The following KIAA0930 variants were observed in gnomAD, a reference collection of about 807,000 sequenced individuals.
The protein encoded by KIAA0930 is KIAA0930, also known as uncharacterized protein KIAA0930.
Under a neutral mutation model 43.9 loss-of-function variants are expected in KIAA0930, and 24 were observed. The ratio of observed to expected loss-of-function variants is 0.55; its 90% CI spans 0.40 to 0.77. The LOEUF is 0.77. Among genes scored for constraint, KIAA0930 ranks in the 30% least tolerant of loss-of-function variants. KIAA0930 has a pLI of 0.00. For synonymous variants in KIAA0930, 259 were observed against 216.4 expected, an observed-to-expected ratio of 1.20 and a Z score of -1.73; for missense variants, 461 against 574.2, an observed-to-expected ratio of 0.80 and a Z score of 2.02.
chr22:45,212,485 G>A (rs1430819906), intron 1 of KIAA0930: 6 of 1,435,324 alleles, frequency 4.2e-6, no homozygotes, highest in Admixed American at 2.7e-5. Flanking sequence ...GGCTGGGGGG[G>A]AGCCTTTGGA....
At chr22:45,197,527 G>A (rs1171287730) in intron 9 of KIAA0930, among the ~76,000 whole-genome samples, 2 of 152,198 alleles carry the variant, frequency 1.3e-5, no homozygotes, top group African/African-American at 2.4e-5. Context: ...TCGCCCGTGA[G>A]TAACACACAC....
At chr22:45,224,141 C>T (rs963986220) in intron 1 of KIAA0930, among the ~76,000 whole-genome samples, 2 of 152,112 alleles carry the variant, frequency 1.3e-5, no homozygotes, top group Admixed American at 1.3e-4. Context: ...CTTGGAAAAA[C>T]GCTCATGGTA....
chr22:45,240,558 C>T, intron 1 of KIAA0930, 82 bp downstream of exon 1: 2 of 964,476 alleles, frequency 2.1e-6, no homozygotes, highest in Non-Finnish European at 3.1e-6. Context: ...ATGCGCGGGG[C>T]GCACAGAAAC....
intron 2 of KIAA0930, 65 bp from the exon 3 acceptor site, chr22:45,205,977 T>A (rs548562589): frequency 6.3e-7 from 1 of 1,589,888 alleles, no homozygotes; most frequent in East Asian, 2.2e-5. Context: ...CTTCCCTGAC[T>A]ACTATGCAGG....
intron 2 of KIAA0930, among the ~76,000 whole-genome samples, chr22:45,208,135 C>G (rs1439804805): frequency 6.6e-6 from 1 of 152,178 alleles, no homozygotes; most frequent in African/African-American, 2.4e-5. Context: ...GCCCGGTACC[C>G]ACTGACAGGA....
intron 1 of KIAA0930, chr22:45,236,065 G>A (rs2083886617): frequency 6.6e-6 from 1 of 152,354 alleles, no homozygotes; most frequent in Non-Finnish European, 1.5e-5. Flanking sequence ...CTTCCGGGTT[G>A]GCTATTTGCA....
Position 45,206,685 on chromosome 22 carries a change from G to A in KIAA0930, c.217-773C>T, listed in dbSNP as rs973138826. Among the ~76,000 whole-genome samples, 140 of 144,110 alleles carry A rather than the reference G, an allele frequency of 9.7e-4. 1 individual carries two copies. The highest frequency in any genetic ancestry group is 9.8e-4 in the Non-Finnish European group (65 of 66,438). 94.5% of individuals were successfully genotyped at this position (144,110 alleles called of 152,430 possible). The stretch of plus-strand genomic sequence containing the variant: ...ACCAAAGCATGTCTACACCTCTCCT[G>A]GGAGACTGGCTTCCAATTTTTTTTT... On this transcript the variant is annotated intron_variant, in intron 2 of 9. Coordinates refer to ENST00000336156, the MANE Select transcript of KIAA0930 (RefSeq NM_001009880.2).
chr22:45,205,105 C>G, intron 5 of KIAA0930, 112 bp downstream of exon 5: 1 of 828,430 alleles, frequency 1.2e-6, no homozygotes, highest in East Asian at 2.5e-5. Context: ...GGACTCTTCC[C>G]GGCTCCAAGC....
At chr22:45,209,713 G>A (rs912858754) in intron 2 of KIAA0930, among the ~76,000 whole-genome samples, 2 of 152,220 alleles carry the variant, frequency 1.3e-5, no homozygotes, top group African/African-American at 4.8e-5. Flanking sequence ...GGCCAGATAT[G>A]AGTCATTTCT....
At chr22:45,204,205 T>C (rs551180252) in intron 5 of KIAA0930, among the ~76,000 whole-genome samples, 2 of 152,260 alleles carry the variant, frequency 1.3e-5, no homozygotes, top group South Asian at 4.1e-4. Flanking sequence ...ACAGGGACGC[T>C]TACGGAGACT....
intron 1 of KIAA0930, among the ~76,000 whole-genome samples, chr22:45,237,816 C>T (rs538435596): frequency 1.4e-4 from 21 of 152,290 alleles, no homozygotes; most frequent in Middle Eastern, 3.4e-3. Flanking sequence ...TCTGGCTCCT[C>T]TCAGGACTCA....
intron 1 of KIAA0930, among the ~76,000 whole-genome samples, chr22:45,235,059 G>C (rs182335883): frequency 4.1e-4 from 63 of 152,052 alleles, no homozygotes; most frequent in Non-Finnish European, 6.9e-4. Flanking sequence ...CAAGTCTCCT[G>C]CTTGGGGCTT....
At chr22:45,211,285 GATT>G (rs1361760613) in intron 2 of KIAA0930, 4 of 397,902 alleles carry the variant, frequency 1.0e-5, no homozygotes, top group Non-Finnish European at 1.8e-5. Context: ...ATATGGAGTT[GATT>G]AAACATTTTA....
At chr22:45,232,210 A>C (rs2147766218) in intron 1 of KIAA0930, among the ~76,000 whole-genome samples, 1 of 152,316 alleles carries the variant, frequency 6.6e-6, no homozygotes, top group East Asian at 1.9e-4. Context: ...AGGACACACG[A>C]GGGTGTGCAG....
At chr22:45,225,608 C>CCACAGGG (rs1022560340) in intron 1 of KIAA0930, among the ~76,000 whole-genome samples, 2 of 152,168 alleles carry the variant, frequency 1.3e-5, no homozygotes, top group South Asian at 4.1e-4. Flanking sequence ...CTCGACCACA[C>CCACAGGG]CACAGGGCAC....
In KIAA0930 at chr22:45,229,587, A is replaced by C. The variant is rs928403003; in HGVS notation, c.64+11053T>G. 2.0e-5 allele frequency among the ~76,000 whole-genome samples: 3 copies of C among 152,258 alleles called. No homozygotes were observed. In the East Asian group the frequency reaches 5.8e-4, roughly 30 times the overall value. On this transcript the variant is annotated intron_variant, in intron 1 of 9. Coordinates refer to ENST00000336156, the MANE Select transcript of KIAA0930 (RefSeq NM_001009880.2). The stretch of plus-strand genomic sequence containing the variant: ...AGGGTAGCAGTGGCTGATTCCACCA[A>C]CGGGTCAGGAAGAGGCCACAGAAGG...
chr22:45,216,072 G>A (rs1383793497), intron 1 of KIAA0930, among the ~76,000 whole-genome samples: 2 of 151,982 alleles, frequency 1.3e-5, no homozygotes, highest in Non-Finnish European at 2.9e-5. Flanking sequence ...GGAGAGAAAA[G>A]AGATTCTCTC....
intron 5 of KIAA0930, 111 bp from the exon 6 acceptor site, chr22:45,204,096 G>A: frequency 2.8e-6 from 4 of 1,417,882 alleles, no homozygotes; most frequent in Non-Finnish European, 2.9e-6. Flanking sequence ...TTTTGCAGGG[G>A]ACAACCGGCT....
intron 1 of KIAA0930, chr22:45,212,555 C>T (rs1162727546): frequency 1.4e-5 from 19 of 1,397,356 alleles, no homozygotes; most frequent in Non-Finnish European, 1.8e-5. Flanking sequence ...TGCGGCAGTC[C>T]CAGCGGGAAC....
Sources: gnomAD v4.1 joint callset for allele counts (sites outside exome capture counted in the v4.1 genomes callset) on GRCh38, gnomAD v4.1.1 for gene constraint, MANE v1.5 for transcripts, NCBI Gene and HGNC (gene_info 2026-07-23, HGNC 2026-07-21) for gene names.